Variants in SIGLEC1 observed in about 807,000 individuals in gnomAD.
SIGLEC1 encodes sialic acid binding Ig like lectin 1, also known as sialoadhesin.
Under a neutral mutation model 148.0 loss-of-function variants are expected in SIGLEC1, and 132 were observed. The observed-to-expected ratio is 0.89, with a 90% CI of 0.77 to 1.03. The LOEUF (loss-of-function observed/expected upper bound fraction) is 1.03, where lower values mean the gene tolerates loss of function less well. Ranked by LOEUF, SIGLEC1 falls within the 50% of genes least tolerant of loss-of-function variation. SIGLEC1 has a pLI of 0.00. For missense variants in SIGLEC1, 2,253 were observed against 2,271.4 expected, an observed-to-expected ratio of 0.99 and a Z score of 0.16; for synonymous variants, 945 against 969.0, an observed-to-expected ratio of 0.98 and a Z score of 0.46.
Position 3,701,436 on chromosome 20 carries a change from G to C in SIGLEC1, c.1434C>G (p.Ile478Met). ...TSGPNSLRLE[I>M]RDLEETDSGE... is the part of the protein sequence containing the mutation. ...CACTGTCAGTTTCCTCCAGGTCTCG[G>C]ATCTCCAGGCGCAGGGAGTTGGGAC... is the stretch of plus-strand genomic sequence containing the variant. The change falls in exon 7 of 22, where the codon ATC becomes ATG. Residue 478 changes from isoleucine (I) to methionine (M), a missense_variant. Ile to Met is a conservative substitution (Grantham distance 10). Coordinates refer to ENST00000344754, the MANE Select transcript of SIGLEC1 (RefSeq NM_023068.4). 6.2e-7 allele frequency: 1 copy of C among 1,614,152 alleles called. No homozygotes were observed. Among genetic ancestry groups the C allele is most frequent in the Non-Finnish European group, 8.5e-7 (1 of 1,180,038 alleles).
intron 7 of SIGLEC1, among the ~76,000 whole-genome samples, chr20:3,700,263 G>A (rs1446960266): frequency 2.6e-5 from 4 of 151,520 alleles, no homozygotes; most frequent in African/African-American, 7.3e-5. Context: ...GACCACAGGT[G>A]TGCGCCACCA....
At chr20:3,699,111 GGGGCA>G (rs1692309657) in intron 8 of SIGLEC1, 86 bp downstream of exon 8, 5 of 1,445,026 alleles carry the variant, frequency 3.5e-6, no homozygotes, top group Non-Finnish European at 4.7e-6. Flanking sequence ...TATAGACCGT[GGGGCA>G]GGGCAGGACA....
chr20:3,697,723 T>C, intron 9 of SIGLEC1, 75 bp downstream of exon 9: 1 of 1,423,458 alleles, frequency 7.0e-7, no homozygotes, highest in Non-Finnish European at 9.7e-7. Flanking sequence ...TTTGCCTGAT[T>C]AGATCCTCCT....
Position 3,692,843 on chromosome 20 carries a change from G to C in SIGLEC1, c.3778+19C>G. On this transcript the variant is annotated intron_variant, in intron 15 of 21. Transcript: ENST00000344754. ...AGTGGGCTTCCATCCCAGTGGGCTTGGCCTAGGCCCTGCCTTACCCTCCAG... is the reference window on the plus strand; with the variant it reads ...AGTGGGCTTCCATCCCAGTGGGCTTCGCCTAGGCCCTGCCTTACCCTCCAG... The C allele has an allele frequency of 6.2e-7, 1 of 1,604,318 alleles. No homozygotes were observed. The highest frequency in any genetic ancestry group is 8.5e-7 in the Non-Finnish European group (1 of 1,175,988).
At chr20:3,700,141 G>A (rs545014518) in intron 7 of SIGLEC1, among the ~76,000 whole-genome samples, 279 of 91,244 alleles carry the variant, frequency 3.1e-3, no homozygotes, top group Non-Finnish European at 5.0e-3. Flanking sequence ...TTTTTGAGAC[G>A]GAGTCTTGCT....
At chr20:3,697,751 G>T in intron 9 of SIGLEC1, 47 bp downstream of exon 9, 1 of 1,568,582 alleles carries the variant, frequency 6.4e-7, no homozygotes, top group South Asian at 1.1e-5. Context: ...GAACAGTCCA[G>T]AGCTCCAGCC....
rs1198997514 is a variant in SIGLEC1 at position 3,703,855 on chromosome 20, C to T, written c.943G>A (p.Val315Ile). 8 of 1,614,062 alleles carry T rather than the reference C, an allele frequency of 5.0e-6. No individual in the cohort carries two copies. The highest frequency in any genetic ancestry group is 2.7e-5 in the African/African-American group (2 of 75,040). Reference sequence around the variant, plus strand: ...ATGTGGAGGCTGATGGGGGGTGAGACCAAAGAGCCCACGCCGTTCTCAGCT... The same window carrying T: ...ATGTGGAGGCTGATGGGGGGTGAGATCAAAGAGCCCACGCCGTTCTCAGCT... ...CQAENGVGSL[V>I]SPPISLHIFM... Residue 315 changes from valine (V) to isoleucine (I), a missense_variant, in exon 5 of 22, where the codon GTC (valine) becomes ATC (isoleucine). Coordinates refer to ENST00000344754, the MANE Select transcript of SIGLEC1 (RefSeq NM_023068.4).
chr20:3,699,101 T>C, intron 8 of SIGLEC1, 101 bp downstream of exon 8: 2 of 1,383,942 alleles, frequency 1.4e-6, no homozygotes, highest in Non-Finnish European at 2.0e-6. Context: ...GCCCTCCCGA[T>C]ATAGACCGTG....
Position 3,705,811 on chromosome 20 carries a change from C to A in SIGLEC1, c.639G>T (p.Arg213=), listed in dbSNP as rs35444938. 3,528 of 1,614,008 alleles carry A rather than the reference C, an allele frequency of 2.2e-3. 63 individuals carry two copies. In the African/African-American group the frequency reaches 0.042, roughly 19 times the overall value. Residue 213 remains arginine (R), a synonymous_variant, in exon 4 of 22, where the codon CGG becomes CGT. Coordinates refer to ENST00000344754, the MANE Select transcript of SIGLEC1 (RefSeq NM_023068.4). ...HMAMSWQDHG[R]ILRCQLSVAN... is the part of the protein sequence containing the mutation. The stretch of plus-strand genomic sequence containing the variant: ...CCACGGAGAGCTGGCAGCGCAGGAT[C>A]CGGCCGTGGTCCTGCCAGGACATGG...
At chr20:3,689,329 G>C in intron 20 of SIGLEC1, 102 bp from the exon 21 acceptor site, 1 of 1,041,270 alleles carries the variant, frequency 9.6e-7, no homozygotes. Flanking sequence ...ACAAGAGCGT[G>C]GGAACCTCAT....
chr20:3,688,656 T>G, intron 21 of SIGLEC1, 37 bp from the exon 22 acceptor site: 2 of 1,534,552 alleles, frequency 1.3e-6, no homozygotes, highest in Non-Finnish European at 1.8e-6. Flanking sequence ...AGGAGGCCTC[T>G]GGGAGCCAGG....
chr20:3,690,176 C>T lies in SIGLEC1; in HGVS notation c.4680G>A (p.Pro1560=), dbSNP rs145129138. ...CAAGGTGGAGAGTCAGGCTGGCGAGCGGCTCGCTGTCCACTCGGCAATCCA... is the reference window on the plus strand; with the variant it reads ...CAAGGTGGAGAGTCAGGCTGGCGAGTGGCTCGCTGTCCACTCGGCAATCCA... ...GILDCRVDSE[P]LASLTLHLGS... Residue 1560 remains proline, a synonymous_variant, in exon 19 of 22, where the codon CCG becomes CCA. Transcript: ENST00000344754. The T allele has an allele frequency of 1.0e-4, 165 of 1,577,424 alleles. No individual in the cohort carries two copies. In the East Asian group the frequency reaches 2.8e-3, roughly 27 times the overall value.
intron 3 of SIGLEC1, 83 bp downstream of exon 3, chr20:3,706,264 A>C (rs1463096221): frequency 6.6e-7 from 1 of 1,518,976 alleles, no homozygotes; most frequent in Non-Finnish European, 8.8e-7. Context: ...GATTCAGGAC[A>C]AGGGCTGGGG....
chr20:3,706,336 C>G lies in SIGLEC1; in HGVS notation c.409+11G>C. On this transcript the variant is annotated intron_variant, in intron 3 of 21. Coordinates refer to ENST00000344754, the MANE Select transcript of SIGLEC1 (RefSeq NM_023068.4). Reference sequence around the variant, plus strand: ...CCTCCCGGGGGGCAGCCAGGCCACCCCACTTATCACCTGTTACTGTGACCA... The same window carrying G: ...CCTCCCGGGGGGCAGCCAGGCCACCGCACTTATCACCTGTTACTGTGACCA... 1 of 1,597,928 alleles carries G rather than the reference C, an allele frequency of 6.3e-7. No individual in the cohort carries two copies.
At position 3,711,028 on chromosome 20, in the gene SIGLEC1, C is replaced by G. The variant is rs529416941; in HGVS notation, c.-110+1442G>C. Among the ~76,000 whole-genome samples, 6 of 152,326 alleles carry G rather than the reference C, an allele frequency of 3.9e-5. No homozygotes were observed. In the South Asian group the frequency reaches 6.2e-4, roughly 16 times the overall value. On this transcript the variant is annotated intron_variant, in intron 1 of 21. Transcript: ENST00000344754. ...GGACAGTGCCCCGCCCCCCGCCCCC[C>G]GCAACTTGGGTTGCAGCTGTGGCCT...
At position 3,690,717 on chromosome 20, in the gene SIGLEC1, T is replaced by C. The variant is rs993744580; in HGVS notation, c.4592-453A>G. On this transcript the variant is annotated intron_variant, in intron 18 of 21. Transcript: ENST00000344754. The stretch of plus-strand genomic sequence containing the variant: ...CAATAGCAATAGCTGACTGATACAG[T>C]GTAGGCCTTGGTGAAGGCTGGAGTG... 1.3e-4 allele frequency among the ~76,000 whole-genome samples: 20 copies of C among 152,314 alleles called. No individual in the cohort carries two copies. In the East Asian group the frequency reaches 3.7e-3, roughly 28 times the overall value.
rs749208279 is a variant in SIGLEC1, at chr20:3,694,419, C to G, written c.3058G>C (p.Gly1020Arg). 21 of 1,612,286 alleles carry G rather than the reference C, an allele frequency of 1.3e-5. No homozygotes were observed. The South Asian group carries it at 2.1e-4, about 16-fold the overall frequency. ...DPPAQLRLLHGDRLVASTLQG... is the reference protein window; with the variant it reads ...DPPAQLRLLHRDRLVASTLQG... ...AGGGTGGAGGCCACAAGGCGATCCC[C>G]GTGGAGCAGCCGCAGCTGGGCCGGA... Residue 1020 changes from glycine to arginine, a missense_variant, in exon 13 of 22, where the codon GGG (glycine) becomes CGG (arginine). Gly to Arg is a moderately radical substitution (Grantham distance 125). Coordinates refer to ENST00000344754, the MANE Select transcript of SIGLEC1 (RefSeq NM_023068.4).
At chr20:3,694,969 C>G (rs1357449099) in intron 11 of SIGLEC1, 46 bp from the exon 12 acceptor site, 1 of 1,577,126 alleles carries the variant, frequency 6.3e-7, no homozygotes, top group Non-Finnish European at 8.6e-7. Flanking sequence ...CACCACACCT[C>G]TCACAGTCTG....
At position 3,696,881 on chromosome 20, in the gene SIGLEC1, C is replaced by G. The variant is rs757104595; in HGVS notation, c.2388G>C (p.Pro796=). ...GGAGGGCTGACAGCTTTGGACGGTC[C>G]GGGGGATCTGCAGGAACAGAGGGAG... ...TPVLLSVLYP[P]DRPKLSALLD... Residue 796 remains proline (P), a synonymous_variant, in exon 11 of 22, where the codon CCG becomes CCC. Transcript: ENST00000344754. 6.5e-7 allele frequency: 1 copy of G among 1,550,166 alleles called. No homozygotes were observed. Among genetic ancestry groups the G allele is most frequent in the East Asian group, 2.3e-5 (1 of 44,346 alleles).
Sources: allele counts gnomAD v4.1 joint callset (sites outside exome capture counted in the v4.1 genomes callset), GRCh38; gene constraint gnomAD v4.1.1; transcripts MANE v1.5; gene names NCBI Gene and HGNC (gene_info 2026-07-23, HGNC 2026-07-21).